Variants in GPC5 observed in about 807,000 individuals in gnomAD.
GPC5 encodes glypican 5, also known as glypican-5.
Under a neutral mutation model 53.9 loss-of-function variants are expected in GPC5, and 47 were observed. The ratio of observed to expected loss-of-function variants is 0.87; its 90% CI spans 0.69 to 1.11. The LOEUF (loss-of-function observed/expected upper bound fraction) is 1.11, where lower values mean the gene tolerates loss of function less well. Ranked by LOEUF, GPC5 falls within the 50% of genes most tolerant of loss-of-function variation. GPC5 has a pLI of 0.00. For missense variants in GPC5, 748 were observed against 713.1 expected, an observed-to-expected ratio of 1.05 and a Z score of -0.56; for synonymous variants, 286 against 263.3, an observed-to-expected ratio of 1.09 and a Z score of -0.84.
intron 6 of GPC5, among the ~76,000 whole-genome samples, chr13:91,923,306 G>A (rs1594666229): frequency 6.6e-6 from 1 of 152,118 alleles, no homozygotes. Flanking sequence ...GTGCTTTGAC[G>A]ACGTAGTTTG....
intron 2 of GPC5, among the ~76,000 whole-genome samples, chr13:91,495,171 G>A (rs1884178391): frequency 6.6e-6 from 1 of 152,116 alleles, no homozygotes; most frequent in African/African-American, 2.4e-5. Context: ...TACCTTATAT[G>A]ACTACATATT....
intron 2 of GPC5, among the ~76,000 whole-genome samples, chr13:91,650,748 A>C: frequency 2.8e-5 from 2 of 71,730 alleles, no homozygotes; most frequent in South Asian, 5.2e-4. Context: ...AAATTCCCAT[A>C]AGTTTTTTTT....
intron 1 of GPC5, among the ~76,000 whole-genome samples, chr13:91,433,787 C>T (rs891745339): frequency 3.9e-5 from 6 of 152,138 alleles, no homozygotes; most frequent in Admixed American, 2.6e-4. Flanking sequence ...CTGACTTCCA[C>T]GATGGTTGAA....
At chr13:92,808,041 C>T (rs1877163302) in intron 7 of GPC5, among the ~76,000 whole-genome samples, 2 of 152,036 alleles carry the variant, frequency 1.3e-5, no homozygotes, top group Admixed American at 6.6e-5. Context: ...ATAAATGTGT[C>T]ACTTATTAGT....
intron 6 of GPC5, among the ~76,000 whole-genome samples, chr13:91,963,947 GAC>G (rs1220523646): frequency 2.0e-5 from 3 of 152,182 alleles, no homozygotes; most frequent in African/African-American, 7.2e-5. Context: ...CATTGTGGAA[GAC>G]AGTGTGGGGA....
intron 6 of GPC5, among the ~76,000 whole-genome samples, chr13:92,043,745 GA>G (rs2040959859): frequency 6.6e-6 from 1 of 152,150 alleles, no homozygotes; most frequent in South Asian, 2.1e-4. Context: ...TCGGGTGTTG[GA>G]AAAATCATGT....
At chr13:91,630,854 T>C (rs918413222) in intron 2 of GPC5, among the ~76,000 whole-genome samples, 1 of 152,172 alleles carries the variant, frequency 6.6e-6, no homozygotes, top group Non-Finnish European at 1.5e-5. Flanking sequence ...TTTTTTGTTT[T>C]TGTTTTTTTA....
chr13:92,811,894 T>C (rs538942510), intron 7 of GPC5, among the ~76,000 whole-genome samples: 1 of 151,992 alleles, frequency 6.6e-6, no homozygotes, highest in Non-Finnish European at 1.5e-5. Context: ...AGCATTCTTG[T>C]CAAAAATCAA....
intron 5 of GPC5, among the ~76,000 whole-genome samples, chr13:91,784,794 G>A (rs902038671): frequency 2.6e-5 from 4 of 151,672 alleles, no homozygotes; most frequent in Non-Finnish European, 5.9e-5. Context: ...CATGGTTATA[G>A]CCATATGTGA....
At chr13:92,131,033 A>G (rs146552874) in intron 6 of GPC5, among the ~76,000 whole-genome samples, 1,569 of 152,140 alleles carry the variant, frequency 0.01, 29 homozygotes, top group African/African-American at 0.036. Flanking sequence ...TTTTTAATGG[A>G]CTAATGACTT....
intron 2 of GPC5, among the ~76,000 whole-genome samples, chr13:91,610,616 G>T (rs2033518182): frequency 6.6e-6 from 1 of 152,146 alleles, no homozygotes; most frequent in Admixed American, 6.6e-5. Flanking sequence ...TCATTTTGCT[G>T]TAAGTTTAGC....
chr13:91,925,480 T>G (rs990963705), intron 6 of GPC5, among the ~76,000 whole-genome samples: 2 of 152,138 alleles, frequency 1.3e-5, no homozygotes, highest in African/African-American at 4.8e-5. Context: ...ACCCACTAGG[T>G]GCTAGGTATT....
intron 7 of GPC5, among the ~76,000 whole-genome samples, chr13:92,464,508 G>C (rs1021140082): frequency 6.6e-6 from 1 of 151,980 alleles, no homozygotes; most frequent in Non-Finnish European, 1.5e-5. Flanking sequence ...CCTAAAGAAA[G>C]AGAAGTTTCA....
intron 6 of GPC5, among the ~76,000 whole-genome samples, chr13:92,137,202 G>C (rs561737126): frequency 6.6e-6 from 1 of 152,242 alleles, no homozygotes; most frequent in Non-Finnish European, 1.5e-5. Flanking sequence ...AGAATAAATT[G>C]AATTTAACAA....
At chr13:91,553,299 G>A (rs1055764167) in intron 2 of GPC5, among the ~76,000 whole-genome samples, 5 of 98,362 alleles carry the variant, frequency 5.1e-5, no homozygotes, top group Non-Finnish European at 8.2e-5. Context: ...AGAAGAGAAT[G>A]GAGACCGGTT....
intron 6 of GPC5, among the ~76,000 whole-genome samples, chr13:92,094,829 G>A (rs976941343): frequency 2.0e-5 from 3 of 151,166 alleles, no homozygotes; most frequent in Admixed American, 6.6e-5. Context: ...TTTTGCCAGC[G>A]TTTTTCATAT....
At chr13:91,491,806 T>G (rs1883955217) in intron 2 of GPC5, among the ~76,000 whole-genome samples, 1 of 152,190 alleles carries the variant, frequency 6.6e-6, no homozygotes, top group South Asian at 2.1e-4. Context: ...GTAATGCATT[T>G]AAGGCCTACC....
At chr13:91,557,549 T>C (rs549815943) in intron 2 of GPC5, among the ~76,000 whole-genome samples, 21 of 152,122 alleles carry the variant, frequency 1.4e-4, no homozygotes, top group Non-Finnish European at 2.5e-4. Flanking sequence ...GTCTCAGTTG[T>C]TCAGGTGACA....
rs181079107 is a variant in GPC5 at position 91,603,932 on chromosome 13, T to C, written c.326-89255T>C. 4.4e-3 allele frequency among the ~76,000 whole-genome samples: 667 copies of C among 151,902 alleles called. 7 individuals carry two copies. The highest frequency in any genetic ancestry group is 0.015 in the African/African-American group (634 of 41,418). ...CTCCCTTTCTAGTAGTATTTTTTTT[T>C]CCTGCTGTTCTTACTAGTTTTTTTT... On this transcript the variant is annotated intron_variant, in intron 2 of 7. Coordinates refer to ENST00000377067, the MANE Select transcript of GPC5 (RefSeq NM_004466.6).
Sources: gnomAD v4.1 joint callset for allele counts (sites outside exome capture counted in the v4.1 genomes callset) on GRCh38, gnomAD v4.1.1 for gene constraint, MANE v1.5 for transcripts, NCBI Gene and HGNC (gene_info 2026-07-23, HGNC 2026-07-21) for gene names.